Variants in UBE3D observed in about 807,000 individuals in gnomAD.
The protein encoded by UBE3D is E3 ubiquitin-protein ligase E3D.
A neutral mutation model predicts 49.6 loss-of-function variants in UBE3D; 48 were observed. The ratio of observed to expected loss-of-function variants is 0.97; its 90% CI spans 0.77 to 1.23. The LOEUF (loss-of-function observed/expected upper bound fraction) is 1.23. Ranked by LOEUF, UBE3D falls within the 50% of genes most tolerant of loss-of-function variation. The probability of loss-of-function intolerance (pLI) is 0.00; values close to 1 mark genes in which losing one functional copy is unlikely to be tolerated. For missense variants in UBE3D, 452 were observed against 468.4 expected (o/e 0.96, Z 0.32); for synonymous variants, 189 against 174.2 (o/e 1.08, Z -0.67).
At chr6:82,973,041 C>T (rs1287263573) in intron 8 of UBE3D, among the ~76,000 whole-genome samples, 1 of 152,116 alleles carries the variant, frequency 6.6e-6, no homozygotes, top group African/African-American at 2.4e-5. Context: ...CAGGTAAAAG[C>T]TTATTCAGGA....
downstream of UBE3D, among the ~76,000 whole-genome samples, chr6:82,890,414 G>A (rs954205311): frequency 7.8e-4 from 119 of 152,230 alleles, no homozygotes; most frequent in African/African-American, 2.6e-3. Flanking sequence ...CTTTGAGCAC[G>A]GGCATAGCTG....
chr6:83,039,130 T>C (rs1782468383), intron 4 of UBE3D, among the ~76,000 whole-genome samples: 1 of 152,192 alleles, frequency 6.6e-6, no homozygotes, highest in African/African-American at 2.4e-5. Context: ...ATTTGCCTAA[T>C]CAATAAAGAA....
At chr6:83,047,408 A>G (rs1374400658) in intron 3 of UBE3D, among the ~76,000 whole-genome samples, 1 of 152,216 alleles carries the variant, frequency 6.6e-6, no homozygotes, top group Non-Finnish European at 1.5e-5. Context: ...AAGAATTGTT[A>G]CAAGAGATAC....
intron 2 of UBE3D, among the ~76,000 whole-genome samples, chr6:83,054,997 T>G (rs190456275): frequency 6.6e-6 from 1 of 152,154 alleles, no homozygotes; most frequent in African/African-American, 2.4e-5. Context: ...CAGTCTAGCA[T>G]ATAACCATAT....
intron 8 of UBE3D, among the ~76,000 whole-genome samples, chr6:82,991,647 C>T (rs1411850559): frequency 6.6e-6 from 1 of 152,088 alleles, no homozygotes; most frequent in African/African-American, 2.4e-5. Context: ...GAAGATCTTA[C>T]ATAAGAAGGT....
chr6:82,886,438 C>A, the UBE3D span, among the ~76,000 whole-genome samples: 73 of 152,276 alleles, frequency 4.8e-4, no homozygotes, highest in East Asian at 0.012. Context: ...GCTTCCTCAC[C>A]CTCCACTCAC....
At chr6:83,045,149 C>A (rs1428725441) in intron 3 of UBE3D, among the ~76,000 whole-genome samples, 1 of 152,120 alleles carries the variant, frequency 6.6e-6, no homozygotes, top group Non-Finnish European at 1.5e-5. Flanking sequence ...TATTTATGAA[C>A]ATATCTATTT....
chr6:83,012,585 T>G (rs773776240), intron 8 of UBE3D, among the ~76,000 whole-genome samples: 2 of 152,208 alleles, frequency 1.3e-5, no homozygotes, highest in Non-Finnish European at 2.9e-5. Context: ...AATCCTTCTC[T>G]GCTGAGGTCA....
chr6:82,892,297 C>A (rs192202085), downstream of UBE3D: 1 of 152,794 alleles, frequency 6.5e-6, no homozygotes, highest in Non-Finnish European at 1.5e-5. Flanking sequence ...TAGGAGCTAG[C>A]GTGTACTCTG....
At chr6:82,969,481 G>A (rs1777190953) in intron 8 of UBE3D, among the ~76,000 whole-genome samples, 1 of 152,082 alleles carries the variant, frequency 6.6e-6, no homozygotes, top group Non-Finnish European at 1.5e-5. Flanking sequence ...GGTGGCACAT[G>A]CCTGTGGGCT....
intron 7 of UBE3D, among the ~76,000 whole-genome samples, chr6:83,020,966 T>C (rs1375885168): frequency 1.3e-5 from 2 of 152,238 alleles, no homozygotes; most frequent in Non-Finnish European, 2.9e-5. Flanking sequence ...GCTATGATTC[T>C]TGACTATCCA....
At chr6:82,954,944 CTG>C in intron 9 of UBE3D, among the ~76,000 whole-genome samples, 1 of 152,284 alleles carries the variant, frequency 6.6e-6, no homozygotes, top group Non-Finnish European at 1.5e-5. Context: ...TCAAGTTTCT[CTG>C]TATCTGTGAA....
At chr6:82,996,000 G>A (rs183215832) in intron 8 of UBE3D, among the ~76,000 whole-genome samples, 7 of 152,240 alleles carry the variant, frequency 4.6e-5, no homozygotes, top group Admixed American at 4.6e-4. Context: ...GGGAGGCAGA[G>A]GTTGCAGTGA....
intron 9 of UBE3D, among the ~76,000 whole-genome samples, chr6:82,943,185 T>C (rs530679967): frequency 2.6e-5 from 4 of 152,316 alleles, no homozygotes; most frequent in Non-Finnish European, 4.4e-5. Context: ...TTTGGCCAAT[T>C]TCTCCCCTGT....
rs145436330 is a variant in UBE3D at position 82,927,534 on chromosome 6, T to C, written c.1149+29778A>G. ...TCTCTCCATTTATTTAGTTCTTTGATTTCTTTCATCAGAGTTTTACAATTT... is the reference window on the plus strand; with the variant it reads ...TCTCTCCATTTATTTAGTTCTTTGACTTCTTTCATCAGAGTTTTACAATTT... On this transcript the variant is annotated intron_variant, in intron 9 of 9. Coordinates refer to ENST00000369747, the MANE Select transcript of UBE3D (RefSeq NM_198920.3). Among the ~76,000 whole-genome samples, 52 of 152,228 alleles carry C rather than the reference T, an allele frequency of 3.4e-4. 1 individual carries two copies. Among genetic ancestry groups the C allele is most frequent in the African/African-American group, 1.2e-3 (49 of 41,582 alleles).
chr6:82,907,866 C>A (rs1383076802), intron 9 of UBE3D, among the ~76,000 whole-genome samples: 1 of 152,050 alleles, frequency 6.6e-6, no homozygotes. Flanking sequence ...GAAAACAGGT[C>A]CACAAAAAGA....
chr6:82,912,221 AG>A (rs1173127995), intron 9 of UBE3D, among the ~76,000 whole-genome samples: 1 of 151,910 alleles, frequency 6.6e-6, no homozygotes, highest in African/African-American at 2.4e-5. Context: ...CATTTTTCAC[AG>A]AATATGATTT....
chr6:83,051,481 A>G (rs1362833934), intron 3 of UBE3D, among the ~76,000 whole-genome samples: 3 of 152,234 alleles, frequency 2.0e-5, no homozygotes, highest in Non-Finnish European at 4.4e-5. Context: ...ATAATGAACC[A>G]GCATATCCTT....
At chr6:82,960,001 G>A (rs910836772) in intron 8 of UBE3D, among the ~76,000 whole-genome samples, 4 of 152,118 alleles carry the variant, frequency 2.6e-5, no homozygotes, top group African/African-American at 9.7e-5. Flanking sequence ...GTTCCTCCTT[G>A]GGGACATGCA....
Sources: allele counts gnomAD v4.1 joint callset (sites outside exome capture counted in the v4.1 genomes callset), GRCh38; gene constraint gnomAD v4.1.1; transcripts MANE v1.5; gene names NCBI Gene and HGNC (gene_info 2026-07-23, HGNC 2026-07-21).